The following FARS2 variants were observed in gnomAD, a reference collection of about 807,000 sequenced individuals.
FARS2 encodes phenylalanine--tRNA ligase, mitochondrial.
Under a neutral mutation model 46.4 loss-of-function variants are expected in FARS2, and 40 were observed. The observed-to-expected ratio is 0.86, with a 90% CI of 0.67 to 1.12. The LOEUF (loss-of-function observed/expected upper bound fraction) is 1.12, where lower values mean the gene tolerates loss of function less well. Among genes scored for constraint, FARS2 ranks in the 50% most tolerant of loss-of-function variants. The pLI is 0.00. For synonymous variants in FARS2, 234 were observed against 214.9 expected, an observed-to-expected ratio of 1.09 and a Z score of -0.78; for missense variants, 513 against 567.9, an observed-to-expected ratio of 0.90 and a Z score of 0.98.
At chr6:5,699,081 G>A (rs567059396) in intron 6 of FARS2, among the ~76,000 whole-genome samples, 9 of 152,128 alleles carry the variant, frequency 5.9e-5, no homozygotes, top group Non-Finnish European at 1.2e-4. Context: ...CAGTTCACAG[G>A]GTCTTTGGGA....
At position 5,281,249 on chromosome 6, in the gene FARS2, G is replaced by T. The variant is rs1438558045; in HGVS notation, c.-22+19589G>T. ...AATATATAAATACTTTACAAGTGAAGGTAAGACTTAAAAAGATTTAATAGC... is the reference window on the plus strand; with the variant it reads ...AATATATAAATACTTTACAAGTGAATGTAAGACTTAAAAAGATTTAATAGC... On this transcript the variant is annotated intron_variant, in intron 1 of 6. Coordinates refer to ENST00000274680, the MANE Select transcript of FARS2 (RefSeq NM_006567.5). 2.0e-5 allele frequency among the ~76,000 whole-genome samples: 3 copies of T among 152,152 alleles called. No individual in the cohort carries two copies. In the East Asian group the frequency reaches 5.8e-4, roughly 29 times the overall value.
intron 4 of FARS2, among the ~76,000 whole-genome samples, chr6:5,510,484 G>A (rs896262920): frequency 1.3e-5 from 2 of 152,158 alleles, no homozygotes; most frequent in African/African-American, 2.4e-5. Flanking sequence ...CCTGTCTTTC[G>A]CCCTAGTTAG....
In FARS2 at chr6:5,613,212, G is replaced by C; in HGVS notation, c.1109G>C (p.Trp370Ser). 6.2e-7 allele frequency: 1 copy of C among 1,613,038 alleles called. No individual in the cohort carries two copies. Among genetic ancestry groups the C allele is most frequent in the South Asian group, 1.1e-5 (1 of 91,002 alleles). Residue 370 changes from tryptophan to serine, a missense_variant, in exon 6 of 7, where the codon TGG becomes TCG. Coordinates refer to ENST00000274680, the MANE Select transcript of FARS2 (RefSeq NM_006567.5). ...GCTGTGATCAATGATATTTCATTCT[G>C]GTTGCCCTCTGAGAATTACGCAGAA... ...YPAVINDISF[W>S]LPSENYAEND...
chr6:5,622,170 A>G (rs1775809407), intron 6 of FARS2, among the ~76,000 whole-genome samples: 3 of 152,220 alleles, frequency 2.0e-5, no homozygotes, highest in Admixed American at 2.0e-4. Context: ...GGCCACTTAT[A>G]AAACAGCCCA....
intron 6 of FARS2, among the ~76,000 whole-genome samples, chr6:5,653,741 G>A (rs777528008): frequency 1.3e-5 from 2 of 152,188 alleles, no homozygotes; most frequent in Non-Finnish European, 2.9e-5. Context: ...TTCAACAATT[G>A]TGAGTGCCTG....
chr6:5,469,010 C>T (rs550663625), intron 4 of FARS2, among the ~76,000 whole-genome samples: 6 of 152,292 alleles, frequency 3.9e-5, no homozygotes, highest in South Asian at 2.1e-4. Flanking sequence ...ATGTATCTTC[C>T]TGCCAATCTC....
At chr6:5,385,811 G>A (rs1021716329) in intron 2 of FARS2, among the ~76,000 whole-genome samples, 8 of 152,264 alleles carry the variant, frequency 5.3e-5, no homozygotes, top group African/African-American at 1.4e-4. Context: ...TTAATAAGCA[G>A]TAGACCTGCC....
At chr6:5,697,332 C>G (rs561103074) in intron 6 of FARS2, among the ~76,000 whole-genome samples, 1 of 152,166 alleles carries the variant, frequency 6.6e-6, no homozygotes, top group Non-Finnish European at 1.5e-5. Context: ...GAGAATTTGA[C>G]AACGTATAAG....
At chr6:5,740,372 T>C (rs1761255084) in intron 6 of FARS2, among the ~76,000 whole-genome samples, 1 of 152,178 alleles carries the variant, frequency 6.6e-6, no homozygotes, top group African/African-American at 2.4e-5. Flanking sequence ...TTTTTTGAAA[T>C]ACATGTGACC....
At chr6:5,710,121 G>A (rs13191290) in intron 6 of FARS2, among the ~76,000 whole-genome samples, 70,084 of 152,044 alleles carry the variant, frequency 0.46, 17,369 homozygotes, top group Non-Finnish European at 0.57. Context: ...TGGTCCTGGA[G>A]AGCAAGTAGG....
intron 1 of FARS2, among the ~76,000 whole-genome samples, chr6:5,277,860 G>A (rs754258646): frequency 6.6e-6 from 1 of 151,922 alleles, no homozygotes; most frequent in African/African-American, 2.4e-5. Context: ...CACTGCCCCC[G>A]ACCCCTCATT....
At position 5,533,346 on chromosome 6, in the gene FARS2, T is replaced by C. The variant is rs181086719; in HGVS notation, c.905-11834T>C. Among the ~76,000 whole-genome samples the C allele has an allele frequency of 3.5e-3, 539 of 152,330 alleles. 2 individuals carry two copies. Among genetic ancestry groups the C allele is most frequent in the Middle Eastern group, 0.01 (3 of 294 alleles). ...TATGATAGATAAAATCTCTCACAGA[T>C]ACAAAATTAAAGAAAGTCATCACTT... On this transcript the variant is annotated intron_variant, in intron 4 of 6. Transcript: ENST00000274680.
Position 5,311,137 on chromosome 6 carries a change from G to A in FARS2, c.-22+49477G>A, listed in dbSNP as rs1769055096. On this transcript the variant is annotated intron_variant, in intron 1 of 6. Coordinates refer to ENST00000274680, the MANE Select transcript of FARS2 (RefSeq NM_006567.5). This position sits in a 1 kb window ranked among gnomAD's most constrained non-coding sequence, Gnocchi z 4.1. ...TAAATAAATCATGGTGCATCCAGGT[G>A]ATGATATGGTTTGTAGTTGTTGCGA... Among the ~76,000 whole-genome samples the A allele has an allele frequency of 6.6e-6, 1 of 152,248 alleles. No individual in the cohort carries two copies. Among genetic ancestry groups the A allele is most frequent in the African/African-American group, 2.4e-5 (1 of 41,470 alleles).
rs79590483 is a variant in FARS2, at chr6:5,601,025, C to T, written c.1066-12144C>T. Among the ~76,000 whole-genome samples, 943 of 152,284 alleles carry T rather than the reference C, an allele frequency of 6.2e-3. 12 individuals are homozygous for T. The highest frequency in any genetic ancestry group is 0.023 in the South Asian group (112 of 4,822). On this transcript the variant is annotated intron_variant, in intron 5 of 6. Transcript: ENST00000274680. ...AAGAGACAGCAGAACTTGCAGCTCT[C>T]TCTTTCTCTCCCCCTGCCATGTGAA...
intron 6 of FARS2, among the ~76,000 whole-genome samples, chr6:5,736,692 G>A (rs755278367): frequency 2.0e-5 from 3 of 151,316 alleles, no homozygotes; most frequent in African/African-American, 7.3e-5. Context: ...AAAATTGCAT[G>A]TACCCCTTGC....
intron 6 of FARS2, among the ~76,000 whole-genome samples, chr6:5,654,772 G>A (rs530447363): frequency 3.9e-5 from 6 of 152,028 alleles, no homozygotes; most frequent in African/African-American, 9.6e-5. Context: ...GAACTTCACC[G>A]GCCCACTTAT....
intron 1 of FARS2, among the ~76,000 whole-genome samples, chr6:5,316,776 TA>T (rs770157061): frequency 3.3e-5 from 5 of 152,192 alleles, no homozygotes; most frequent in Non-Finnish European, 7.3e-5. Context: ...AGGGGGAAAG[TA>T]ACCATTTTGA....
At chr6:5,543,062 A>G (rs1457819756) in intron 4 of FARS2, among the ~76,000 whole-genome samples, 1 of 152,094 alleles carries the variant, frequency 6.6e-6, no homozygotes, top group East Asian at 1.9e-4. Flanking sequence ...GTTGTTGTTG[A>G]GTGGAATGTC....
intron 6 of FARS2, among the ~76,000 whole-genome samples, chr6:5,662,934 A>G (rs1777916749): frequency 6.6e-6 from 1 of 152,220 alleles, no homozygotes; most frequent in East Asian, 1.9e-4. Flanking sequence ...AGCTCTTGGA[A>G]CAATGCCTGA....
Sources: gnomAD v4.1 joint callset for allele counts (sites outside exome capture counted in the v4.1 genomes callset) on GRCh38, gnomAD v4.1.1 for gene constraint, Gnocchi (gnomAD v3.1) non-coding constraint, MANE v1.5 for transcripts, NCBI Gene and HGNC (gene_info 2026-07-23, HGNC 2026-07-21) for gene names.